Variants in AXIN2 observed in about 807,000 individuals in gnomAD.
AXIN2 encodes the protein axin 2, also known as axin-2.
In AXIN2, 21 loss-of-function variants were observed where a neutral mutation model predicts 74.7. The observed-to-expected ratio is 0.28, with a 90% CI of 0.20 to 0.40. AXIN2 has a LOEUF of 0.40. AXIN2 is among the 10% of genes least tolerant of loss of function. AXIN2 has a pLI of 1.00. For missense variants in AXIN2, 1,144 were observed against 1,111.1 expected, an observed-to-expected ratio of 1.03 and a Z score of -0.42; for synonymous variants, 532 against 454.9, an observed-to-expected ratio of 1.17 and a Z score of -2.16.
At chr17:65,536,696 G>C in intron 7 of AXIN2, 143 bp from the exon 8 acceptor site, 1 of 1,373,862 alleles carries the variant, frequency 7.3e-7, no homozygotes, top group Non-Finnish European at 1.0e-6. Context: ...ACAGGGGTCA[G>C]TGCCAAAACA....
chr17:65,529,924 A>G lies in AXIN2; in HGVS notation c.*52T>C, dbSNP rs1185054315. The stretch of plus-strand genomic sequence containing the variant: ...TGTCGCAGTTGCTCACAGCCAAGAC[A>G]GTTCACAAGAGCTTCGGGCTCCAAC... On this transcript the variant is annotated 3_prime_UTR_variant, in exon 11 of 11. Transcript: ENST00000307078. The G allele has an allele frequency of 4.0e-5, 64 of 1,613,230 alleles. No individual in the cohort carries two copies. Among genetic ancestry groups the G allele is most frequent in the Admixed American group, 6.7e-5 (4 of 59,984 alleles).
In AXIN2 at chr17:65,561,497, C is replaced by A. The variant is rs1361115155; in HGVS notation, c.-164G>T. ...GGGCGCCTCGGCCGCCGGGCGGCCC[C>A]GAAATCCATCGCTCTGAGGGGTTAT... is the stretch of plus-strand genomic sequence containing the variant. On this transcript the variant is annotated 5_prime_UTR_variant, in exon 1 of 11. Coordinates refer to ENST00000307078, the MANE Select transcript of AXIN2 (RefSeq NM_004655.4). 4 of 150,370 alleles carry A rather than the reference C, an allele frequency of 2.7e-5. No homozygotes were observed. The highest frequency in any genetic ancestry group is 9.7e-5 in the African/African-American group (4 of 41,302). The allele number at this position is 150,370 out of a possible 1,614,324, so 9.3% of individuals were successfully genotyped here.
chr17:65,551,495 G>A (rs1346694139), intron 2 of AXIN2, among the ~76,000 whole-genome samples: 1 of 152,106 alleles, frequency 6.6e-6, no homozygotes, highest in Non-Finnish European at 1.5e-5. Context: ...CAGGGAGAAA[G>A]CATTCCCATC....
rs1057524787 is a variant in AXIN2 at position 65,536,397 on chromosome 17, C to A, written c.2064G>T (p.Leu688=). 4 of 1,613,654 alleles carry A rather than the reference C, an allele frequency of 2.5e-6. No individual in the cohort carries two copies. The highest frequency in any genetic ancestry group is 3.4e-6 in the Non-Finnish European group (4 of 1,180,010). ...LFTQDPAMPP[L]TPPNTLAQLE... ...GCTGAGCCAGCGTGTTGGGTGGGGTCAGGGGAGGCATCGCAGGGTCCTGGG... is the reference window on the plus strand; with the variant it reads ...GCTGAGCCAGCGTGTTGGGTGGGGTAAGGGGAGGCATCGCAGGGTCCTGGG... Residue 688 remains leucine (L), a synonymous_variant, in exon 8 of 11, where the codon CTG becomes CTT. Transcript: ENST00000307078.
At chr17:65,559,495 C>A (rs560429473) in intron 1 of AXIN2, 3 of 152,034 alleles carry the variant, frequency 2.0e-5, no homozygotes, top group Admixed American at 1.3e-4. Flanking sequence ...TGACCTCCCC[C>A]CAAACCAGAA....
chr17:65,534,792 T>C (rs2043880231), intron 9 of AXIN2, among the ~76,000 whole-genome samples: 1 of 152,124 alleles, frequency 6.6e-6, no homozygotes, highest in South Asian at 2.1e-4. Context: ...GAGCTGGGTG[T>C]GGTGGTGGGC....
chr17:65,541,475 C>T lies in AXIN2; in HGVS notation c.1039G>A (p.Val347Met). Reference protein sequence around the residue: ...MHRSVKANGQVSLPHFPRTHR... With the variant: ...MHRSVKANGQMSLPHFPRTHR... ...CTCACCGGGAAATGAGGTAGAGACA[C>T]TTGGCCATTGGCCTTCACACTGCGA... The change falls in exon 4 of 11, where the codon GTG (valine) becomes ATG (methionine). Residue 347 changes from valine to methionine, a missense_variant. By Grantham distance (21) the Val-to-Met change is conservative. Coordinates refer to ENST00000307078, the MANE Select transcript of AXIN2 (RefSeq NM_004655.4). 1 of 1,614,130 alleles carries T rather than the reference C, an allele frequency of 6.2e-7. No homozygotes were observed. The highest frequency in any genetic ancestry group is 1.6e-4 in the Middle Eastern group (1 of 6,062).
chr17:65,531,799 C>A (rs2043823388), intron 10 of AXIN2, among the ~76,000 whole-genome samples: 1 of 152,186 alleles, frequency 6.6e-6, no homozygotes, highest in Non-Finnish European at 1.5e-5. Context: ...ACATCTGGCA[C>A]CAACAGCGTC....
At chr17:65,534,279 C>T (rs1333374154) in intron 9 of AXIN2, among the ~76,000 whole-genome samples, 200 bp from the exon 10 acceptor site, 1 of 152,256 alleles carries the variant, frequency 6.6e-6, no homozygotes, top group Non-Finnish European at 1.5e-5. Flanking sequence ...TCCAACCCCA[C>T]ATGTGCTGCA....
intron 3 of AXIN2, among the ~76,000 whole-genome samples, chr17:65,547,064 A>C (rs2044128721): frequency 6.6e-6 from 1 of 152,146 alleles, no homozygotes; most frequent in African/African-American, 2.4e-5. Context: ...CCATGCTTGG[A>C]ATCCAAAGTG....
chr17:65,533,925 T>G lies in AXIN2; in HGVS notation c.2392A>C (p.Lys798Gln), dbSNP rs1555576349. 3 of 1,613,858 alleles carry G rather than the reference T, an allele frequency of 1.9e-6. No individual in the cohort carries two copies. The highest frequency in any genetic ancestry group is 2.5e-6 in the Non-Finnish European group (3 of 1,179,854). ...CAGGACTCTTACCTATAATTTCCCT[T>G]TTTGCTGAGCTGCTCTTTAAAGTGG... The part of the protein sequence containing the change: ...LGHFKEQLSK[K>Q]GNYRYYFKKA... Residue 798 changes from lysine to glutamine, a missense_variant, in exon 10 of 11, where the codon AAG (lysine) becomes CAG (glutamine). Physicochemically the swap from Lys to Gln is moderately conservative, Grantham distance 53. Transcript: ENST00000307078.
chr17:65,553,752 T>C (rs1226990483), intron 2 of AXIN2, among the ~76,000 whole-genome samples: 1 of 149,302 alleles, frequency 6.7e-6, no homozygotes, highest in Non-Finnish European at 1.5e-5. Context: ...AGGCAGAGAC[T>C]CGGTATTTCA....
intron 3 of AXIN2, among the ~76,000 whole-genome samples, chr17:65,544,374 C>T: frequency 6.9e-6 from 1 of 145,786 alleles, no homozygotes; most frequent in Non-Finnish European, 1.5e-5. Context: ...ATACCCCGCC[C>T]CCCATCCCCC....
At position 65,537,490 on chromosome 17, in the gene AXIN2, G is replaced by A. The variant is rs1555577714; in HGVS notation, c.1546C>T (p.His516Tyr). The A allele has an allele frequency of 6.2e-7, 1 of 1,613,844 alleles. No individual in the cohort carries two copies. The highest frequency in any genetic ancestry group is 8.5e-7 in the Non-Finnish European group (1 of 1,180,002). The change falls in exon 6 of 11, where the codon CAC (histidine) becomes TAC (tyrosine). Residue 516 changes from histidine (H) to tyrosine (Y), a missense_variant. His to Tyr is a moderately conservative substitution (Grantham distance 83, BLOSUM62 2). This residue lies in a region of AXIN2 where 1,053 missense variants were observed against 973.5 expected (regional missense o/e 1.08). Coordinates refer to ENST00000307078, the MANE Select transcript of AXIN2 (RefSeq NM_004655.4). Reference protein sequence around the residue: ...VTKQTTKHVHHHYIHHHAVPK... With the variant: ...VTKQTTKHVHYHYIHHHAVPK... ...ACGGCATGGTGGTGGATGTAGTGGT[G>A]GTGGACATGCTTCGTCGTCTGCTTG...
intron 10 of AXIN2, among the ~76,000 whole-genome samples, chr17:65,532,001 A>G (rs2043828513): frequency 6.6e-6 from 1 of 151,890 alleles, no homozygotes; most frequent in Non-Finnish European, 1.5e-5. Flanking sequence ...TGGGAGGGTG[A>G]GGCGTGACAC....
rs1309062534 is a variant in AXIN2, at chr17:65,537,756, G to A, written c.1280C>T (p.Pro427Leu). ...CGGGTCTTCCTCGTAGCTGCCGGAG[G>A]GCAGTAGGGAGAGGGGGTGCTGCGT... is the stretch of plus-strand genomic sequence containing the variant. ...APTQHPLSLL[P>L]SGSYEEDPQT... Residue 427 changes from proline to leucine, a missense_variant, in exon 6 of 11, where the codon CCC becomes CTC. By Grantham distance (98) the Pro-to-Leu change is moderately conservative (BLOSUM62 -3). This residue lies in a region of AXIN2 where 1,053 missense variants were observed against 973.5 expected (regional missense o/e 1.08). Coordinates refer to ENST00000307078, the MANE Select transcript of AXIN2 (RefSeq NM_004655.4). The A allele has an allele frequency of 3.2e-6, 5 of 1,580,644 alleles. No individual in the cohort carries two copies. The highest frequency in any genetic ancestry group is 4.3e-6 in the Non-Finnish European group (5 of 1,162,984).
At chr17:65,532,930 TG>T in intron 10 of AXIN2, among the ~76,000 whole-genome samples, 1 of 152,334 alleles carries the variant, frequency 6.6e-6, no homozygotes, top group East Asian at 1.9e-4. Context: ...TGTCCCAGCC[TG>T]GAGCCCTAAA....
chr17:65,561,629 G>C lies in AXIN2; in HGVS notation c.-296C>G, dbSNP rs1258808405. 1 of 150,808 alleles carries C rather than the reference G, an allele frequency of 6.6e-6. No homozygotes were observed. The highest frequency in any genetic ancestry group is 2.4e-5 in the African/African-American group (1 of 40,892). The allele number at this position is 150,808 out of a possible 1,614,324, so 9.3% of individuals were successfully genotyped here. A position where few individuals can be genotyped will look rare whatever the true frequency, so the allele number is the denominator to read the frequency against. ...CCAGGCTCGCGGAGCCAGTGATCCC[G>C]CCGCGCCAATCACAGCCGCGCTCGG... On this transcript the variant is annotated 5_prime_UTR_variant, in exon 1 of 11. Transcript: ENST00000307078.
intron 4 of AXIN2, among the ~76,000 whole-genome samples, chr17:65,540,473 T>TCA (rs765897803): frequency 3.3e-5 from 5 of 152,184 alleles, no homozygotes; most frequent in Non-Finnish European, 7.3e-5. Flanking sequence ...AATAAGTGCT[T>TCA]CAGTTTCTTT....
Sources: gnomAD v4.1 joint callset for allele counts (sites outside exome capture counted in the v4.1 genomes callset) on GRCh38, gnomAD v4.1.1 for gene constraint, gnomAD v4.1.1 regional missense constraint, MANE v1.5 for transcripts, NCBI Gene and HGNC (gene_info 2026-07-23, HGNC 2026-07-21) for gene names.